The following ASPH variants were observed in gnomAD, a reference collection of about 807,000 sequenced individuals.
ASPH encodes aspartate beta-hydroxylase, also known as aspartyl/asparaginyl beta-hydroxylase.
ASPH carries 100 observed loss-of-function variants against 118.4 expected under a neutral mutation model. That is an observed-to-expected ratio of 0.84 (90% CI 0.72 to 1.00). The LOEUF (loss-of-function observed/expected upper bound fraction) is 1.00. Ranked by LOEUF, ASPH falls within the 50% of genes least tolerant of loss-of-function variation. The pLI is 0.00. For missense variants in ASPH, 920 were observed against 919.5 expected, an observed-to-expected ratio of 1.00 and a Z score of -0.01; for synonymous variants, 315 against 325.6, an observed-to-expected ratio of 0.97 and a Z score of 0.35.
At chr8:61,558,810 A>T (rs1340515472) in intron 18 of ASPH, among the ~76,000 whole-genome samples, 2 of 152,044 alleles carry the variant, frequency 1.3e-5, no homozygotes, top group Admixed American at 6.6e-5. Flanking sequence ...TTTCTAAAAA[A>T]CCCAGATTGA....
chr8:61,663,489 G>A, intron 3 of ASPH: 1 of 985,378 alleles, frequency 1.0e-6, no homozygotes. Flanking sequence ...GCAGAAACCA[G>A]CACAGTTAAG....
At chr8:61,669,547 C>T (rs1387354674) in intron 3 of ASPH, among the ~76,000 whole-genome samples, 1 of 152,054 alleles carries the variant, frequency 6.6e-6, no homozygotes, top group Non-Finnish European at 1.5e-5. Flanking sequence ...AGTGTATAAC[C>T]CAGCAATAAT....
chr8:61,525,930 C>A (rs770463701), intron 22 of ASPH, 47 bp downstream of exon 22: 110 of 1,610,326 alleles, frequency 6.8e-5, no homozygotes, highest in Non-Finnish European at 8.5e-5. Context: ...TACCCACTTC[C>A]CATCAGGTTT....
At chr8:61,680,387 T>C (rs1244837288) in intron 3 of ASPH, 1 of 151,814 alleles carries the variant, frequency 6.6e-6, no homozygotes, top group African/African-American at 2.4e-5. Flanking sequence ...TTGTTATTTA[T>C]TACAAGAAAC....
intron 17 of ASPH, among the ~76,000 whole-genome samples, chr8:61,566,027 C>T (rs10086389): frequency 0.81 from 122,979 of 152,130 alleles, 50,063 homozygotes; most frequent in Non-Finnish European, 0.85. Context: ...TTACTGCTCA[C>T]TGATAAGCAC....
At chr8:61,579,815 C>T (rs1836826394) in intron 15 of ASPH, 1 of 700,512 alleles carries the variant, frequency 1.4e-6, no homozygotes, top group African/African-American at 1.8e-5. Context: ...GAGTTTACTA[C>T]CTGGGGACCC....
chr8:61,636,507 C>T (rs1473246681), intron 12 of ASPH, among the ~76,000 whole-genome samples: 1 of 152,116 alleles, frequency 6.6e-6, no homozygotes, highest in Non-Finnish European at 1.5e-5. Context: ...AAGCTCCCCT[C>T]ACTGTCCACT....
chr8:61,576,249 C>CA (rs1563881043), intron 16 of ASPH, among the ~76,000 whole-genome samples: 1 of 152,124 alleles, frequency 6.6e-6, no homozygotes, highest in Non-Finnish European at 1.5e-5. Context: ...TGAAAGGGGA[C>CA]ATGCTTCATG....
chr8:61,694,385 T>C (rs1833433906), intron 1 of ASPH, among the ~76,000 whole-genome samples: 1 of 152,218 alleles, frequency 6.6e-6, no homozygotes, highest in African/African-American at 2.4e-5. Context: ...GCTGTTTCTC[T>C]GTTTTCATTT....
In ASPH at chr8:61,601,422, T is replaced by C. The variant is rs546108416; in HGVS notation, c.977-17393A>G. 7.8e-4 allele frequency among the ~76,000 whole-genome samples: 118 copies of C among 150,902 alleles called. 1 individual carries two copies. Among genetic ancestry groups the C allele is most frequent in the Non-Finnish European group, 1.6e-3 (106 of 67,996 alleles). On this transcript the variant is annotated intron_variant, in intron 14 of 24. Transcript: ENST00000379454. ...CAGGCGTGGTGGCGGGTGCCTGTAATCCCAGCTACTCAGGAGGCTGAAGCA... is the reference window on the plus strand; with the variant it reads ...CAGGCGTGGTGGCGGGTGCCTGTAACCCCAGCTACTCAGGAGGCTGAAGCA...
At chr8:61,671,888 A>C (rs2151461240) in intron 3 of ASPH, among the ~76,000 whole-genome samples, 1 of 152,370 alleles carries the variant, frequency 6.6e-6, no homozygotes, top group East Asian at 1.9e-4. Flanking sequence ...TGATTTTAGA[A>C]GACTGGCTGC....
chr8:61,576,343 C>A (rs940178482), intron 16 of ASPH, among the ~76,000 whole-genome samples: 1 of 152,066 alleles, frequency 6.6e-6, no homozygotes, highest in African/African-American at 2.4e-5. Flanking sequence ...GAAATGAGTC[C>A]GTTGGAAAAA....
chr8:61,526,783 T>A (rs1327451632), intron 21 of ASPH, among the ~76,000 whole-genome samples: 1 of 152,070 alleles, frequency 6.6e-6, no homozygotes, highest in African/African-American at 2.4e-5. Context: ...TGACGGTAGA[T>A]CCTGTGGAAG....
chr8:61,653,547 C>G, intron 4 of ASPH, 21 bp downstream of exon 4: 3 of 1,610,630 alleles, frequency 1.9e-6, no homozygotes, highest in Non-Finnish European at 1.7e-6. Context: ...GGGCGAGACT[C>G]GAGGATGAGG....
chr8:61,676,956 C>T (rs138069480), intron 3 of ASPH, among the ~76,000 whole-genome samples: 223 of 152,202 alleles, frequency 1.5e-3, no homozygotes, highest in African/African-American at 4.9e-3. Flanking sequence ...AATTTTAACA[C>T]TTAAATTTTA....
At chr8:61,664,895 G>T in intron 3 of ASPH, 1 of 1,011,792 alleles carries the variant, frequency 9.9e-7, no homozygotes, top group Non-Finnish European at 1.2e-6. Flanking sequence ...AAAGTTACAA[G>T]GCATTATGCA....
At chr8:61,589,157 AAGTT>A (rs1483563479) in intron 14 of ASPH, among the ~76,000 whole-genome samples, 5 of 152,200 alleles carry the variant, frequency 3.3e-5, no homozygotes, top group Non-Finnish European at 7.3e-5. Context: ...AAAGTTCTGT[AAGTT>A]AGTTGTGGTG....
chr8:61,693,538 A>G (rs2151809527), intron 1 of ASPH, among the ~76,000 whole-genome samples: 1 of 152,326 alleles, frequency 6.6e-6, no homozygotes, highest in Middle Eastern at 3.4e-3. Context: ...GTATTACCAA[A>G]TAACAAAATG....
chr8:61,617,633 A>T (rs2150475202), intron 14 of ASPH, among the ~76,000 whole-genome samples: 1 of 152,208 alleles, frequency 6.6e-6, no homozygotes, highest in South Asian at 2.1e-4. Flanking sequence ...ACTAAGTACT[A>T]GAAAGAAACA....
Sources: gnomAD v4.1 joint callset for allele counts (sites outside exome capture counted in the v4.1 genomes callset) on GRCh38, gnomAD v4.1.1 for gene constraint, MANE v1.5 for transcripts, NCBI Gene and HGNC (gene_info 2026-07-23, HGNC 2026-07-21) for gene names.